Variants in NOP58 observed in about 807,000 individuals in gnomAD.
The protein encoded by NOP58 is nucleolar protein 58.
Under a neutral mutation model 71.2 loss-of-function variants are expected in NOP58, and 44 were observed. The ratio of observed to expected loss-of-function variants is 0.62; its 90% CI spans 0.49 to 0.79. The LOEUF is 0.79. Among genes scored for constraint, NOP58 ranks in the 30% least tolerant of loss-of-function variants. The probability of loss-of-function intolerance (pLI) is 0.00; values close to 1 mark genes in which losing one functional copy is unlikely to be tolerated. For synonymous variants in NOP58, 228 were observed against 200.3 expected (o/e 1.14, Z -1.17); for missense variants, 538 against 620.2 (o/e 0.87, Z 1.41).
chr2:202,287,753 T>G, intron 6 of NOP58, 29 bp downstream of exon 6: 1 of 1,481,972 alleles, frequency 6.7e-7, no homozygotes, highest in Non-Finnish European at 9.4e-7. Flanking sequence ...AAGTCCGATT[T>G]GTTGCTCTGT....
intron 10 of NOP58, among the ~76,000 whole-genome samples, chr2:202,296,358 C>T (rs1688993049): frequency 6.6e-6 from 1 of 152,086 alleles, no homozygotes; most frequent in Non-Finnish European, 1.5e-5. Context: ...CACGTGCCAC[C>T]ACGCCCGGCT....
Position 202,300,273 on chromosome 2 carries a change from T to TC in NOP58, c.1310dup (p.Thr438AsnfsTer4). 6.2e-7 allele frequency: 1 copy of TC among 1,601,740 alleles called. No individual in the cohort carries two copies. Among genetic ancestry groups the TC allele is most frequent in the Non-Finnish European group, 8.5e-7 (1 of 1,177,476 alleles). ...ACGATCCTTCTGGTGACTCCACACTTCCAACCTGTTCTAAAAAACGCAAAA... is the reference window on the plus strand; with the variant it reads ...ACGATCCTTCTGGTGACTCCACACTTCCCAACCTGTTCTAAAAAACGCAAAA... On this transcript the variant is annotated frameshift_variant, in exon 13 of 15. Coordinates refer to ENST00000264279, the MANE Select transcript of NOP58 (RefSeq NM_015934.5). LOFTEE classifies it high-confidence loss of function.
intron 12 of NOP58, 32 bp from the exon 13 acceptor site, chr2:202,300,200 TTA>T: frequency 2.0e-6 from 3 of 1,535,692 alleles, no homozygotes; most frequent in Non-Finnish European, 2.6e-6. Context: ...CAGATACTTG[TTA>T]GAGATTTTCT....
In NOP58 at chr2:202,284,284, A is replaced by G. The variant is rs1406764331; in HGVS notation, c.298-61A>G. 2.9e-6 allele frequency: 4 copies of G among 1,383,288 alleles called. No individual in the cohort carries two copies. The African/African-American group carries it at 4.4e-5, about 15-fold the overall frequency. 85.7% of individuals were successfully genotyped at this position (1,383,288 alleles called of 1,614,324 possible). ...TGATACTGTGTCTCAAAAAATAATA[A>G]TAACAACTTCAGGAAAGTCTTTTTT... is the stretch of plus-strand genomic sequence containing the variant. On this transcript the variant is annotated intron_variant, in intron 4 of 14. Transcript: ENST00000264279.
chr2:202,303,569 C>T lies in NOP58; in HGVS notation c.*133C>T. On this transcript the variant is annotated 3_prime_UTR_variant, in exon 15 of 15. Coordinates refer to ENST00000264279, the MANE Select transcript of NOP58 (RefSeq NM_015934.5). ...CAAAGTGATTTATCATCTATAACTT[C>T]AAACCTATTTGTCTTGACATCAACT... 1 of 1,173,334 alleles carries T rather than the reference C, an allele frequency of 8.5e-7. No homozygotes were observed. 72.7% of individuals were successfully genotyped at this position (1,173,334 alleles called of 1,614,324 possible). A position where few individuals can be genotyped will look rare whatever the true frequency, so the allele number is the denominator to read the frequency against.
intron 1 of NOP58, among the ~76,000 whole-genome samples, chr2:202,268,270 C>T (rs1035957365): frequency 2.0e-5 from 3 of 152,130 alleles, no homozygotes; most frequent in African/African-American, 7.2e-5. Flanking sequence ...CATGGTGGCT[C>T]ATGCCTGTAA....
chr2:202,287,288 C>T (rs376694198), intron 5 of NOP58, among the ~76,000 whole-genome samples: 21 of 151,928 alleles, frequency 1.4e-4, no homozygotes, highest in East Asian at 1.2e-3. Context: ...AGGTTGGTCT[C>T]GAACTCCTAA....
chr2:202,287,396 C>T (rs1688809310), intron 5 of NOP58, among the ~76,000 whole-genome samples: 1 of 151,914 alleles, frequency 6.6e-6, no homozygotes, highest in Admixed American at 6.6e-5. Flanking sequence ...ACAGCTTATC[C>T]TATTTGTCAT....
intron 13 of NOP58, among the ~76,000 whole-genome samples, chr2:202,302,142 C>T (rs1401422895): frequency 4.6e-5 from 6 of 130,294 alleles, no homozygotes. Context: ...GGCTGAAGTG[C>T]AGTGGCGTGA....
chr2:202,271,659 T>C (rs1222471621), intron 1 of NOP58, among the ~76,000 whole-genome samples: 1 of 152,140 alleles, frequency 6.6e-6, no homozygotes, highest in Non-Finnish European at 1.5e-5. Flanking sequence ...AAAAACCAGC[T>C]GGATCAGGCG....
At chr2:202,274,792 A>AC (rs1199655990) in intron 1 of NOP58, among the ~76,000 whole-genome samples, 1 of 151,840 alleles carries the variant, frequency 6.6e-6, no homozygotes, top group African/African-American at 2.4e-5. Flanking sequence ...TCCCTGCCCT[A>AC]CCCCCTAGGA....
At chr2:202,300,645 A>C (rs1689075228) in intron 13 of NOP58, among the ~76,000 whole-genome samples, 1 of 152,224 alleles carries the variant, frequency 6.6e-6, no homozygotes, top group Non-Finnish European at 1.5e-5. Context: ...GAATTAAGAG[A>C]AAAAAGGAAC....
Position 202,293,637 on chromosome 2 carries a change from A to C in NOP58, c.907+734A>C, listed in dbSNP as rs1251791735. Reference sequence around the variant, plus strand: ...CACTCTGTTGCACTGGCTGGAGTGCAGTGGCTCACTGCAACCTCTGCCTCC... The same window carrying C: ...CACTCTGTTGCACTGGCTGGAGTGCCGTGGCTCACTGCAACCTCTGCCTCC... On this transcript the variant is annotated intron_variant, in intron 9 of 14. Coordinates refer to ENST00000264279, the MANE Select transcript of NOP58 (RefSeq NM_015934.5). 2.6e-5 allele frequency among the ~76,000 whole-genome samples: 4 copies of C among 152,190 alleles called. No homozygotes were observed. In the East Asian group the frequency reaches 7.8e-4, roughly 30 times the overall value.
chr2:202,266,062 G>T, intron 1 of NOP58, 76 bp downstream of exon 1: 1 of 1,531,968 alleles, frequency 6.5e-7, no homozygotes, highest in South Asian at 1.1e-5. Flanking sequence ...CTTAAGCACG[G>T]AACTACTCAG....
chr2:202,297,310 T>C, intron 10 of NOP58, 69 bp from the exon 11 acceptor site: 1 of 1,410,170 alleles, frequency 7.1e-7, no homozygotes. Flanking sequence ...CTCCTGATTT[T>C]AAAACATCCA....
At chr2:202,271,625 A>C (rs750480408) in intron 1 of NOP58, among the ~76,000 whole-genome samples, 2 of 152,044 alleles carry the variant, frequency 1.3e-5, no homozygotes, top group Non-Finnish European at 1.5e-5. Flanking sequence ...GTATGCACAG[A>C]TATTATGCAT....
chr2:202,287,454 C>T (rs1224817581), intron 5 of NOP58, among the ~76,000 whole-genome samples: 1 of 150,562 alleles, frequency 6.6e-6, no homozygotes, highest in East Asian at 1.9e-4. Context: ...CGTAGCAGCA[C>T]ATATAGTTTT....
At chr2:202,289,729 A>G (rs1688855082) in intron 6 of NOP58, among the ~76,000 whole-genome samples, 1 of 152,200 alleles carries the variant, frequency 6.6e-6, no homozygotes, top group South Asian at 2.1e-4. Flanking sequence ...TTCTGCTTAT[A>G]TGAAGTACCT....
intron 2 of NOP58, chr2:202,275,474 CAGT>C (rs766475426): frequency 3.8e-6 from 1 of 260,084 alleles, no homozygotes; most frequent in Non-Finnish European, 7.3e-6. Context: ...TGATTGCTGT[CAGT>C]AGGAACACAT....
Sources: gnomAD v4.1 joint callset for allele counts (sites outside exome capture counted in the v4.1 genomes callset) on GRCh38, gnomAD v4.1.1 for gene constraint, MANE v1.5 for transcripts, NCBI Gene and HGNC (gene_info 2026-07-23, HGNC 2026-07-21) for gene names.